KIF6: variants seen among roughly 807,000 people sequenced by gnomAD.
The protein encoded by KIF6 is kinesin family member 6, also known as kinesin-like protein KIF6.
Under a neutral mutation model 112.7 loss-of-function variants are expected in KIF6, and 106 were observed. That is an observed-to-expected ratio of 0.94 (90% CI 0.80 to 1.11). The LOEUF (loss-of-function observed/expected upper bound fraction) is 1.11, where lower values mean the gene tolerates loss of function less well. Ranked by LOEUF, KIF6 falls within the 50% of genes least tolerant of loss-of-function variation. The probability of loss-of-function intolerance (pLI) is 0.00; values close to 1 mark genes in which losing one functional copy is unlikely to be tolerated. For synonymous variants in KIF6, 339 were observed against 339.9 expected (o/e 1.00, Z 0.03); for missense variants, 929 against 964.0 (o/e 0.96, Z 0.48).
At chr6:39,346,145 CT>C in intron 20 of KIF6, among the ~76,000 whole-genome samples, 1 of 135,214 alleles carries the variant, frequency 7.4e-6, no homozygotes. Flanking sequence ...CTCTCTCTCT[CT>C]CTCTCTCTCT....
intron 3 of KIF6, among the ~76,000 whole-genome samples, chr6:39,689,768 C>T (rs1283480836): frequency 6.6e-6 from 1 of 151,966 alleles, no homozygotes; most frequent in Non-Finnish European, 1.5e-5. Context: ...CCATGCTAAG[C>T]TAATTTTTAA....
chr6:39,567,607 ATTTCT>A (rs1780363996), intron 10 of KIF6, among the ~76,000 whole-genome samples: 1 of 141,360 alleles, frequency 7.1e-6, no homozygotes, highest in African/African-American at 2.8e-5. Context: ...CACAGAAGTG[ATTTCT>A]TTTTTTTTTT....
chr6:39,346,088 C>CTCT (rs1562112892), intron 20 of KIF6, among the ~76,000 whole-genome samples: 3 of 34,488 alleles, frequency 8.7e-5, no homozygotes, highest in African/African-American at 4.9e-4. Context: ...CTCTCTCTCC[C>CTCT]CCCCCTCTCC....
At chr6:39,413,446 G>A (rs1769638526) in intron 15 of KIF6, among the ~76,000 whole-genome samples, 1 of 152,130 alleles carries the variant, frequency 6.6e-6, no homozygotes, top group Non-Finnish European at 1.5e-5. Flanking sequence ...CTAAGCACCT[G>A]CCTGAGGAGT....
chr6:39,617,597 A>G (rs1783588290), intron 5 of KIF6: 1 of 391,996 alleles, frequency 2.6e-6, no homozygotes, highest in Admixed American at 2.5e-5. Context: ...TATTCACATC[A>G]TGGGTTTGTA....
chr6:39,618,398 A>G (rs567666044), intron 5 of KIF6, among the ~76,000 whole-genome samples: 5 of 152,288 alleles, frequency 3.3e-5, no homozygotes, highest in African/African-American at 9.6e-5. Flanking sequence ...TGGACCCCCT[A>G]TTGGCCACGG....
intron 3 of KIF6, among the ~76,000 whole-genome samples, chr6:39,693,907 C>G (rs996888311): frequency 2.0e-5 from 3 of 151,958 alleles, no homozygotes; most frequent in Admixed American, 6.6e-5. Flanking sequence ...AACATAGATG[C>G]AAAAATCCTC....
At chr6:39,653,801 AC>A (rs918766188) in intron 3 of KIF6, among the ~76,000 whole-genome samples, 5 of 152,068 alleles carry the variant, frequency 3.3e-5, no homozygotes, top group Middle Eastern at 3.4e-3. Context: ...AAAAATCCCA[AC>A]TCTGTAGGAT....
intron 19 of KIF6, among the ~76,000 whole-genome samples, chr6:39,350,845 A>G (rs990867005): frequency 2.0e-5 from 3 of 152,186 alleles, no homozygotes; most frequent in African/African-American, 7.2e-5. Flanking sequence ...CGTCCCATCC[A>G]GGAATGCTGG....
At chr6:39,337,175 CTTTCTTTCTTTCTTTCTTTCTTT>C (rs1763023273) in intron 22 of KIF6, among the ~76,000 whole-genome samples, 1 of 57,670 alleles carries the variant, frequency 1.7e-5, no homozygotes, top group Non-Finnish European at 2.9e-5. Flanking sequence ...TTCCTTCCTT[CTTTCTTTCTTTCTTTCTTTCTTT>C]CTTTCTTTCT....
At chr6:39,381,511 C>T (rs2150306906) in intron 16 of KIF6, among the ~76,000 whole-genome samples, 1 of 152,304 alleles carries the variant, frequency 6.6e-6, no homozygotes, top group Non-Finnish European at 1.5e-5. Context: ...AGTAGGCTGC[C>T]TTTACTCTTA....
intron 1 of KIF6, among the ~76,000 whole-genome samples, chr6:39,724,117 C>T (rs999662843): frequency 6.6e-6 from 1 of 152,168 alleles, no homozygotes; most frequent in Non-Finnish European, 1.5e-5. Flanking sequence ...TGACTATGCT[C>T]CCTTCTAGGC....
chr6:39,570,166 T>A (rs1780565375), intron 10 of KIF6, among the ~76,000 whole-genome samples: 1 of 152,204 alleles, frequency 6.6e-6, no homozygotes, highest in South Asian at 2.1e-4. Flanking sequence ...AATTACTTTT[T>A]AAAAGAAATG....
At chr6:39,494,705 AG>A (rs891952937) in intron 13 of KIF6, among the ~76,000 whole-genome samples, 16 of 152,330 alleles carry the variant, frequency 1.1e-4, no homozygotes, top group Admixed American at 1.0e-3. Flanking sequence ...TCTTTTTAAT[AG>A]GAAAAAAAAT....
chr6:39,385,508 C>T, intron 16 of KIF6, 114 bp downstream of exon 16: 1 of 859,080 alleles, frequency 1.2e-6, no homozygotes, highest in South Asian at 1.4e-5. Flanking sequence ...CCTTGCCATC[C>T]TTAACCTCAG....
At chr6:39,586,133 G>A (rs1479000530) in intron 8 of KIF6, 128 bp downstream of exon 8, 1 of 829,566 alleles carries the variant, frequency 1.2e-6, no homozygotes, top group Non-Finnish European at 2.0e-6. Flanking sequence ...TGTGAACTCT[G>A]TAGGGTACTG....
intron 19 of KIF6, among the ~76,000 whole-genome samples, chr6:39,355,457 G>GAA (rs61197732): frequency 1.1e-5 from 1 of 94,942 alleles, no homozygotes; most frequent in Non-Finnish European, 2.1e-5. Context: ...ATTTTAAGAA[G>GAA]TCTTTTTTTT....
intron 13 of KIF6, among the ~76,000 whole-genome samples, chr6:39,455,743 T>A (rs1297405783): frequency 6.6e-6 from 1 of 152,050 alleles, no homozygotes; most frequent in Non-Finnish European, 1.5e-5. Flanking sequence ...CAGGAGCCGA[T>A]GCGATCAGCT....
At chr6:39,615,171 TAA>T (rs763197988) in intron 5 of KIF6, among the ~76,000 whole-genome samples, 4 of 136,122 alleles carry the variant, frequency 2.9e-5, no homozygotes, top group Admixed American at 7.5e-5. Flanking sequence ...AGGCCTTTTC[TAA>T]AAAAAAAAAA....
Sources: gnomAD v4.1 joint callset for allele counts (sites outside exome capture counted in the v4.1 genomes callset) on GRCh38, gnomAD v4.1.1 for gene constraint, MANE v1.5 for transcripts, NCBI Gene and HGNC (gene_info 2026-07-23, HGNC 2026-07-21) for gene names.